The following TBC1D5 variants were observed in gnomAD, a reference collection of about 807,000 sequenced individuals.
TBC1D5 encodes TBC1 domain family member 5, also known as TBC1 domain family, member 5.
A neutral mutation model predicts 100.3 loss-of-function variants in TBC1D5; 75 were observed. That is an observed-to-expected ratio of 0.75 (90% CI 0.62 to 0.91). The LOEUF is 0.91. Among genes scored for constraint, TBC1D5 ranks in the 40% least tolerant of loss-of-function variants. TBC1D5 has a pLI of 0.00. For missense variants in TBC1D5, 910 were observed against 942.4 expected (o/e 0.97, Z 0.45); for synonymous variants, 323 against 325.6 (o/e 0.99, Z 0.09).
intron 2 of TBC1D5, among the ~76,000 whole-genome samples, chr3:17,570,013 G>C (rs1439520121): frequency 6.6e-6 from 1 of 151,758 alleles, no homozygotes; most frequent in African/African-American, 2.4e-5. Flanking sequence ...GTTTTTTACA[G>C]GTACTAGAAA....
intron 3 of TBC1D5, among the ~76,000 whole-genome samples, chr3:17,447,477 C>T (rs539710994): frequency 1.1e-4 from 16 of 152,092 alleles, no homozygotes; most frequent in African/African-American, 1.9e-4. Context: ...TGATCTGAAA[C>T]GGAAGAGACA....
Position 17,695,276 on chromosome 3 carries a change from G to A in TBC1D5, c.-101+44067C>T, listed in dbSNP as rs2071842796. Among the ~76,000 whole-genome samples the A allele has an allele frequency of 2.0e-5, 3 of 152,228 alleles. No individual in the cohort carries two copies. In the South Asian group the frequency reaches 6.2e-4, roughly 32 times the overall value. Reference sequence around the variant, plus strand: ...AACCTTAAATGTAAATGGACTAAATGCCCCAATTAAAAGACGCGGACTGGC... The same window carrying A: ...AACCTTAAATGTAAATGGACTAAATACCCCAATTAAAAGACGCGGACTGGC... On this transcript the variant is annotated intron_variant, in intron 1 of 21. Transcript: ENST00000253692.
chr3:17,410,792 T>C (rs2093903335), intron 4 of TBC1D5, among the ~76,000 whole-genome samples: 1 of 152,134 alleles, frequency 6.6e-6, no homozygotes, highest in African/African-American at 2.4e-5. Context: ...AAAACTTAAA[T>C]TAGAAGTTGC....
chr3:17,172,239 C>T (rs1327651569), intron 19 of TBC1D5, among the ~76,000 whole-genome samples: 1 of 152,156 alleles, frequency 6.6e-6, no homozygotes, highest in Non-Finnish European at 1.5e-5. Context: ...GTTTTGAGTA[C>T]AAGAATATAC....
chr3:17,267,963 A>G (rs1262498333), intron 15 of TBC1D5, among the ~76,000 whole-genome samples: 1 of 152,168 alleles, frequency 6.6e-6, no homozygotes, highest in African/African-American at 2.4e-5. Flanking sequence ...TAAAAAGTGA[A>G]ATATGAACTT....
intron 18 of TBC1D5, among the ~76,000 whole-genome samples, chr3:17,213,013 G>GCTAA (rs1206066132): frequency 6.6e-6 from 1 of 152,056 alleles, no homozygotes; most frequent in Admixed American, 6.6e-5. Context: ...TTCACTCACT[G>GCTAA]CTCACTCACT....
intron 2 of TBC1D5, among the ~76,000 whole-genome samples, chr3:17,566,197 G>A (rs1333717772): frequency 2.0e-5 from 3 of 152,098 alleles, no homozygotes; most frequent in African/African-American, 7.2e-5. Context: ...CACACTAAGA[G>A]TTCATGGATT....
intron 2 of TBC1D5, among the ~76,000 whole-genome samples, chr3:17,599,320 T>C (rs2060780432): frequency 6.6e-6 from 1 of 151,856 alleles, no homozygotes; most frequent in Admixed American, 6.6e-5. Context: ...CAAACTCCAC[T>C]GACACAAGAG....
At chr3:17,241,992 A>G (rs1333288075) in intron 16 of TBC1D5, among the ~76,000 whole-genome samples, 2 of 152,232 alleles carry the variant, frequency 1.3e-5, no homozygotes, top group East Asian at 1.9e-4. Context: ...ATTAATTTCT[A>G]TTCTGGGAGG....
At chr3:17,412,607 TA>T (rs1274102500) in intron 4 of TBC1D5, among the ~76,000 whole-genome samples, 1 of 152,074 alleles carries the variant, frequency 6.6e-6, no homozygotes, top group Non-Finnish European at 1.5e-5. Context: ...TATTCTTACA[TA>T]AAAAAATATA....
intron 13 of TBC1D5, among the ~76,000 whole-genome samples, chr3:17,334,517 C>T (rs2087380181): frequency 6.6e-6 from 1 of 152,086 alleles, no homozygotes; most frequent in African/African-American, 2.4e-5. Context: ...AGTAACTTGA[C>T]CAACATTACA....
intron 15 of TBC1D5, among the ~76,000 whole-genome samples, chr3:17,261,889 T>A (rs1403091346): frequency 1.3e-5 from 2 of 151,936 alleles, no homozygotes; most frequent in Non-Finnish European, 2.9e-5. Context: ...AATATAATGA[T>A]TTCTAACCTT....
chr3:17,195,526 A>AGCC (rs1208644941), intron 18 of TBC1D5, among the ~76,000 whole-genome samples: 2 of 152,216 alleles, frequency 1.3e-5, no homozygotes, highest in Non-Finnish European at 2.9e-5. Flanking sequence ...GCCTGAGCCA[A>AGCC]GACTGTTTTT....
At chr3:17,698,010 A>C (rs1438998978) in intron 1 of TBC1D5, among the ~76,000 whole-genome samples, 1 of 151,930 alleles carries the variant, frequency 6.6e-6, no homozygotes, top group African/African-American at 2.4e-5. Context: ...TCAAGCTACC[A>C]ATGACTTTCT....
At chr3:17,538,994 C>A (rs2096316836) in intron 2 of TBC1D5, among the ~76,000 whole-genome samples, 1 of 152,086 alleles carries the variant, frequency 6.6e-6, no homozygotes, top group Non-Finnish European at 1.5e-5. Context: ...CCAGCCTGGC[C>A]AACATGGTGA....
intron 1 of TBC1D5, among the ~76,000 whole-genome samples, chr3:17,639,440 T>C (rs769341591): frequency 4.0e-5 from 6 of 151,446 alleles, no homozygotes; most frequent in African/African-American, 7.3e-5. Context: ...TACAGCTGAG[T>C]CATGGTGACA....
chr3:17,630,995 G>A (rs1405049482), intron 1 of TBC1D5, among the ~76,000 whole-genome samples: 1 of 144,106 alleles, frequency 6.9e-6, no homozygotes, highest in African/African-American at 2.6e-5. Flanking sequence ...AGTGAGCCGA[G>A]ATGGCACCAC....
At chr3:17,653,451 T>G (rs2065774340) in intron 1 of TBC1D5, among the ~76,000 whole-genome samples, 1 of 152,084 alleles carries the variant, frequency 6.6e-6, no homozygotes, top group African/African-American at 2.4e-5. Flanking sequence ...AGTCTGATCA[T>G]GAGAAAATAC....
intron 2 of TBC1D5, among the ~76,000 whole-genome samples, chr3:17,511,168 C>T (rs144997464): frequency 5.0e-4 from 76 of 151,982 alleles, no homozygotes; most frequent in Non-Finnish European, 8.4e-4. Context: ...GCAAATAATT[C>T]AAATTAAAAG....
Sources: allele counts gnomAD v4.1 joint callset (sites outside exome capture counted in the v4.1 genomes callset), GRCh38; gene constraint gnomAD v4.1.1; transcripts MANE v1.5; gene names NCBI Gene and HGNC (gene_info 2026-07-23, HGNC 2026-07-21).